Variants in NCR3LG1 observed in about 807,000 individuals in gnomAD.
The protein encoded by NCR3LG1 is natural cytotoxicity triggering receptor 3 ligand 1.
NCR3LG1 carries 35 observed loss-of-function variants against 34.8 expected under a neutral mutation model. The ratio of observed to expected loss-of-function variants is 1.01; its 90% CI spans 0.77 to 1.33. The LOEUF is 1.33. NCR3LG1 is among the 40% of genes most tolerant of loss of function. NCR3LG1 has a pLI of 0.00. For synonymous variants in NCR3LG1, 173 were observed against 163.6 expected (o/e 1.06, Z -0.44); for missense variants, 452 against 423.3 (o/e 1.07, Z -0.60).
chr11:17,353,927 A>G (rs960448964), intron 1 of NCR3LG1, among the ~76,000 whole-genome samples: 3 of 152,190 alleles, frequency 2.0e-5, no homozygotes, highest in Non-Finnish European at 4.4e-5. Context: ...AGGATGGAGC[A>G]TCTGTTTGCC....
Position 17,352,556 on chromosome 11 carries a change from G to A in NCR3LG1, c.70+517G>A, listed in dbSNP as rs1251440817. 2.6e-5 allele frequency among the ~76,000 whole-genome samples: 4 copies of A among 152,306 alleles called. No individual in the cohort carries two copies. In the East Asian group the frequency reaches 7.7e-4, roughly 29 times the overall value. On this transcript the variant is annotated intron_variant, in intron 1 of 4. Transcript: ENST00000338965. ...CAGGTTTACATTGAAGGCCTGCCCT[G>A]TGCAGGGTCGACACCTGTGAGAGCG...
chr11:17,364,211 T>C (rs917129523), intron 2 of NCR3LG1, among the ~76,000 whole-genome samples: 1 of 152,114 alleles, frequency 6.6e-6, no homozygotes, highest in African/African-American at 2.4e-5. Context: ...TAAAAATTGT[T>C]TGTGATAGGG....
At position 17,367,029 on chromosome 11, in the gene NCR3LG1, T is replaced by C. The variant is rs1426255484; in HGVS notation, c.442T>C (p.Leu148=). ...GACAGCTTCCCCAGCCAGCAGATTG[T>C]TGCTGGATCAAGTGGGCATGAAAGA... ...EVVASPASRL[L]LDQVGMKENE... is the part of the protein sequence containing the mutation. The change falls in exon 3 of 5, where the codon TTG becomes CTG. Residue 148 remains leucine (L), a synonymous_variant. Coordinates refer to ENST00000338965, the MANE Select transcript of NCR3LG1 (RefSeq NM_001202439.3). 1 of 1,532,762 alleles carries C rather than the reference T, an allele frequency of 6.5e-7. No homozygotes were observed. The highest frequency in any genetic ancestry group is 2.0e-5 in the Admixed American group (1 of 50,906). The allele number at this position is 1,532,762 out of a possible 1,614,324, so 94.9% of individuals were successfully genotyped here.
At chr11:17,380,036 C>T (rs190597919), downstream of NCR3LG1, among the ~76,000 whole-genome samples, 63 of 152,272 alleles carry the variant, frequency 4.1e-4, no homozygotes, top group African/African-American at 1.4e-3. Context: ...GCAGGAGCTC[C>T]GTGTTGGGAG....
chr11:17,354,697 T>C (rs960640023), intron 1 of NCR3LG1, among the ~76,000 whole-genome samples: 1 of 152,100 alleles, frequency 6.6e-6, no homozygotes, highest in Non-Finnish European at 1.5e-5. Flanking sequence ...TGGTTACAGT[T>C]GACCCTATCT....
intron 3 of NCR3LG1, among the ~76,000 whole-genome samples, chr11:17,368,038 G>C (rs910169201): frequency 6.6e-6 from 1 of 151,892 alleles, no homozygotes; most frequent in Non-Finnish European, 1.5e-5. Flanking sequence ...GACTGGTCTC[G>C]AACTCCTGAC....
chr11:17,357,784 G>C (rs1310175947), intron 2 of NCR3LG1, among the ~76,000 whole-genome samples: 1 of 152,022 alleles, frequency 6.6e-6, no homozygotes, highest in African/African-American at 2.4e-5. Flanking sequence ...ATAGCTCACT[G>C]TAACCTCAAA....
rs189617782 is a variant in NCR3LG1 at position 17,372,595 on chromosome 11, A to G, written c.*83A>G. On this transcript the variant is annotated 3_prime_UTR_variant, in exon 5 of 5. Coordinates refer to ENST00000338965, the MANE Select transcript of NCR3LG1 (RefSeq NM_001202439.3). ...GGGCAAATAAGAGGGGACCTGGGCAAGTTCTCTGATGACCTGATAGATATA... is the reference window on the plus strand; with the variant it reads ...GGGCAAATAAGAGGGGACCTGGGCAGGTTCTCTGATGACCTGATAGATATA... 1.6e-6 allele frequency: 1 copy of G among 612,266 alleles called. No homozygotes were observed. The highest frequency in any genetic ancestry group is 2.9e-6 in the Non-Finnish European group (1 of 343,902). The allele number at this position is 612,266 out of a possible 1,614,324, so 37.9% of individuals were successfully genotyped here.
At chr11:17,360,400 G>A (rs980579266) in intron 2 of NCR3LG1, among the ~76,000 whole-genome samples, 3 of 152,020 alleles carry the variant, frequency 2.0e-5, no homozygotes, top group East Asian at 1.9e-4. Flanking sequence ...TTAAAAAGTC[G>A]AACTTACTAC....
intron 1 of NCR3LG1, among the ~76,000 whole-genome samples, chr11:17,353,750 C>T (rs939072006): frequency 2.0e-5 from 3 of 152,192 alleles, no homozygotes; most frequent in Admixed American, 6.5e-5. Context: ...AAGCTAGTTC[C>T]GGCTCGTCCA....
downstream of NCR3LG1, among the ~76,000 whole-genome samples, chr11:17,378,088 G>A (rs1388850824): frequency 6.6e-6 from 1 of 152,122 alleles, no homozygotes; most frequent in Non-Finnish European, 1.5e-5. Flanking sequence ...GATGCCACAA[G>A]GGTAGAAGCT....
chr11:17,371,984 C>A (rs531602698), intron 4 of NCR3LG1, 22 bp from the exon 5 acceptor site: 38 of 690,378 alleles, frequency 5.5e-5, no homozygotes, highest in East Asian at 1.9e-4. Flanking sequence ...TAAGGGATGC[C>A]TTTTCTCTCC....
In NCR3LG1 at chr11:17,377,121, C is replaced by T. The variant is rs1174203416; in HGVS notation, c.*4609C>T. 1 of 152,002 alleles carries T rather than the reference C, an allele frequency of 6.6e-6. No homozygotes were observed. The highest frequency in any genetic ancestry group is 1.5e-5 in the Non-Finnish European group (1 of 68,004). The allele number at this position is 152,002 out of a possible 1,614,324, so 9.4% of individuals were successfully genotyped here. A position where few individuals can be genotyped will look rare whatever the true frequency, so the allele number is the denominator to read the frequency against. ...ACAGGAGACTTCTGGACTGACAGCC[C>T]CTGTCACAAGGGGGCATTATCTGAG... On this transcript the variant is annotated 3_prime_UTR_variant, in exon 5 of 5. Coordinates refer to ENST00000338965, the MANE Select transcript of NCR3LG1 (RefSeq NM_001202439.3).
In NCR3LG1 at chr11:17,374,348, C is replaced by G. The variant is rs1178288701; in HGVS notation, c.*1836C>G. 1 of 152,222 alleles carries G rather than the reference C, an allele frequency of 6.6e-6. No individual in the cohort carries two copies. Among genetic ancestry groups the G allele is most frequent in the Non-Finnish European group, 1.5e-5 (1 of 68,044 alleles). The allele number at this position is 152,222 out of a possible 1,614,324, so 9.4% of individuals were successfully genotyped here. ...AACCACCCAGTTAACCTGGACTGTA[C>G]TGCCTCAGGGATTTAGAGATAGCCC... On this transcript the variant is annotated 3_prime_UTR_variant, in exon 5 of 5. Coordinates refer to ENST00000338965, the MANE Select transcript of NCR3LG1 (RefSeq NM_001202439.3).
chr11:17,354,541 T>C (rs1023228147), intron 1 of NCR3LG1, among the ~76,000 whole-genome samples: 7 of 124,690 alleles, frequency 5.6e-5, no homozygotes, highest in Non-Finnish European at 1.1e-4. Flanking sequence ...CCCCAATTCT[T>C]CTTCTTTTTT....
intron 2 of NCR3LG1, among the ~76,000 whole-genome samples, chr11:17,359,923 G>A (rs192604466): frequency 7.2e-5 from 11 of 152,006 alleles, no homozygotes; most frequent in African/African-American, 2.2e-4. Flanking sequence ...CTTGCCATTC[G>A]TATGTCTTCT....
chr11:17,358,588 A>G (rs573984390), intron 2 of NCR3LG1, among the ~76,000 whole-genome samples: 3 of 151,892 alleles, frequency 2.0e-5, no homozygotes, highest in Admixed American at 6.6e-5. Flanking sequence ...TCTTCCTCCT[A>G]TTTTCATACT....
At chr11:17,370,659 G>A (rs1953396361) in intron 4 of NCR3LG1, among the ~76,000 whole-genome samples, 1 of 152,198 alleles carries the variant, frequency 6.6e-6, no homozygotes, top group South Asian at 2.1e-4. Context: ...ACATGGGCTA[G>A]AAGGAGGTCC....
rs1384792483 is a variant in NCR3LG1, at chr11:17,356,935, G to C, written c.355G>C (p.Glu119Gln). ...TGGAATCCAGCTGGAGGAAGCAGGAGAGTACCGATGTGAGGTGGTGGTCAC... is the reference window on the plus strand; with the variant it reads ...TGGAATCCAGCTGGAGGAAGCAGGACAGTACCGATGTGAGGTGGTGGTCAC... ...LPGIQLEEAGEYRCEVVVTPL... is the reference protein window; with the variant it reads ...LPGIQLEEAGQYRCEVVVTPL... Residue 119 changes from glutamate to glutamine, a missense_variant, in exon 2 of 5, where the codon GAG becomes CAG. Transcript: ENST00000338965. 4 of 1,536,100 alleles carry C rather than the reference G, an allele frequency of 2.6e-6. No homozygotes were observed. Among genetic ancestry groups the C allele is most frequent in the Middle Eastern group, 1.7e-4 (1 of 5,988 alleles).
Sources: gnomAD v4.1 joint callset for allele counts (sites outside exome capture counted in the v4.1 genomes callset) on GRCh38, gnomAD v4.1.1 for gene constraint, MANE v1.5 for transcripts, NCBI Gene and HGNC (gene_info 2026-07-23, HGNC 2026-07-21) for gene names.